The following G2E3 variants were observed in gnomAD, a reference collection of about 807,000 sequenced individuals.
The protein encoded by G2E3 is G2/M phase-specific E3 ubiquitin-protein ligase.
Under a neutral mutation model 92.8 loss-of-function variants are expected in G2E3, and 35 were observed. The ratio of observed to expected loss-of-function variants is 0.38; its 90% CI spans 0.29 to 0.50. The LOEUF (loss-of-function observed/expected upper bound fraction) is 0.50, where lower values mean the gene tolerates loss of function less well. G2E3 is among the 20% of genes least tolerant of loss of function. The probability of loss-of-function intolerance (pLI) is 0.94; values close to 1 mark genes in which losing one functional copy is unlikely to be tolerated. For synonymous variants in G2E3, 242 were observed against 272.4 expected (o/e 0.89, Z 1.10); for missense variants, 554 against 823.8 (o/e 0.67, Z 4.01).
intron 2 of G2E3, among the ~76,000 whole-genome samples, chr14:30,583,461 T>A (rs1436372225): frequency 2.0e-5 from 3 of 152,114 alleles, no homozygotes; most frequent in Admixed American, 6.6e-5. Flanking sequence ...CCCTTATGTG[T>A]GGAATATAAA....
rs1299716637 is a variant in G2E3 at position 30,618,047 on chromosome 14, T to C, written c.*1513T>C. On this transcript the variant is annotated 3_prime_UTR_variant, in exon 15 of 15. Coordinates refer to ENST00000206595, the MANE Select transcript of G2E3 (RefSeq NM_017769.5). ...AAAATCATTACATTATTGATATTTT[T>C]TAAGTAACAGAATAGATTTGAAAGA... 1 of 152,074 alleles carries C rather than the reference T, an allele frequency of 6.6e-6. No individual in the cohort carries two copies. Among genetic ancestry groups the C allele is most frequent in the Admixed American group, 6.5e-5 (1 of 15,272 alleles). 9.4% of individuals were successfully genotyped at this position (152,074 alleles called of 1,614,324 possible). A position where few individuals can be genotyped will look rare whatever the true frequency, so the allele number is the denominator to read the frequency against.
At chr14:30,598,392 C>A in intron 7 of G2E3, 91 bp from the exon 8 acceptor site, 1 of 894,982 alleles carries the variant, frequency 1.1e-6, no homozygotes, top group Non-Finnish European at 1.8e-6. Context: ...GTCTCAAGAA[C>A]AAAAAAAGGT....
intron 4 of G2E3, 53 bp downstream of exon 4, chr14:30,589,537 G>A (rs1681804928): frequency 1.1e-6 from 1 of 908,948 alleles, no homozygotes; most frequent in Non-Finnish European, 1.7e-6. Context: ...TCAATACTTG[G>A]GAAGTCTTTT....
intron 1 of G2E3, among the ~76,000 whole-genome samples, chr14:30,570,934 T>C (rs1458773386): frequency 1.3e-5 from 2 of 152,204 alleles, no homozygotes; most frequent in African/African-American, 2.4e-5. Flanking sequence ...GCTTGTCTTA[T>C]TCTCTTAACA....
chr14:30,576,043 A>C (rs1455271564), intron 1 of G2E3, among the ~76,000 whole-genome samples: 4 of 152,212 alleles, frequency 2.6e-5, no homozygotes, highest in Non-Finnish European at 5.9e-5. Flanking sequence ...GGAACGAAAA[A>C]AGAGCACAAA....
intron 2 of G2E3, among the ~76,000 whole-genome samples, chr14:30,584,426 T>C (rs569286617): frequency 2.0e-5 from 3 of 152,234 alleles, no homozygotes; most frequent in South Asian, 2.1e-4. Flanking sequence ...ATGGTAACTC[T>C]TTGTTTAAAT....
chr14:30,574,280 A>G (rs1879943205), intron 1 of G2E3, among the ~76,000 whole-genome samples: 1 of 152,196 alleles, frequency 6.6e-6, no homozygotes, highest in Non-Finnish European at 1.5e-5. Flanking sequence ...CTTAGCATAA[A>G]TACAATACTT....
chr14:30,586,782 GA>G lies in G2E3; in HGVS notation c.105del (p.Lys35AsnfsTer12). On this transcript the variant is annotated frameshift_variant, in exon 3 of 15. Transcript: ENST00000206595. LOFTEE classifies it high-confidence loss of function. ...NKYGEKKTKE[K>X]WNLTVHYYCL... ...AATACGGAGAAAAGAAAACTAAGGA[GA>G]AATGGAATCTCACTGTACATTACTA... 1.4e-6 allele frequency: 2 copies of G among 1,418,340 alleles called. No homozygotes were observed. The highest frequency in any genetic ancestry group is 1.9e-6 in the Non-Finnish European group (2 of 1,035,088). The allele number at this position is 1,418,340 out of a possible 1,614,324, so 87.9% of individuals were successfully genotyped here.
intron 1 of G2E3, among the ~76,000 whole-genome samples, chr14:30,571,952 A>AC (rs1458337105): frequency 6.6e-6 from 1 of 151,538 alleles, no homozygotes; most frequent in East Asian, 1.9e-4. Flanking sequence ...CTTAAAAAAA[A>AC]AAAAAACCTG....
intron 8 of G2E3, 97 bp from the exon 9 acceptor site, chr14:30,601,673 G>T: frequency 9.0e-7 from 1 of 1,113,916 alleles, no homozygotes; most frequent in Non-Finnish European, 1.4e-6. Context: ...GGGTGTGTGC[G>T]TGTTTGTGTG....
intron 2 of G2E3, among the ~76,000 whole-genome samples, chr14:30,584,785 C>G (rs1354244749): frequency 6.8e-6 from 1 of 146,524 alleles, no homozygotes; most frequent in African/African-American, 2.5e-5. Flanking sequence ...GCTACTAGAC[C>G]TTTAGATGTG....
chr14:30,594,974 CAAAAA>C (rs1042656686), intron 6 of G2E3, among the ~76,000 whole-genome samples: 4 of 125,388 alleles, frequency 3.2e-5, no homozygotes, highest in Non-Finnish European at 6.9e-5. Context: ...ACTAAAAATA[CAAAAA>C]AAAAAAAAAT....
intron 1 of G2E3, among the ~76,000 whole-genome samples, chr14:30,570,756 G>A (rs988315774): frequency 3.9e-5 from 6 of 151,960 alleles, no homozygotes; most frequent in Non-Finnish European, 7.4e-5. Flanking sequence ...TTTTTGCCAG[G>A]TTTTTCTGTG....
Position 30,616,278 on chromosome 14 carries a change from A to C in G2E3, c.1865A>C (p.Asp622Ala), listed in dbSNP as rs776854173. 4.4e-6 allele frequency: 7 copies of C among 1,595,778 alleles called. No homozygotes were observed. Among genetic ancestry groups the C allele is most frequent in the Non-Finnish European group, 5.1e-6 (6 of 1,165,984 alleles). ...FWNSYLQAVE[D>A]GKSTTTMEDI... ...CTCTTTTATTGGTAAATTTTTTCAG[A>C]TGGTAAATCTACAACAACAATGGAA... is the stretch of plus-strand genomic sequence containing the variant. The change falls in exon 15 of 15, where the codon GAT becomes GCT. Residue 622 changes from aspartate (D) to alanine (A), a missense_variant and splice_region_variant. Asp to Ala is a moderately radical substitution (Grantham distance 126). Transcript: ENST00000206595.
chr14:30,601,229 A>G (rs946327235), intron 8 of G2E3, among the ~76,000 whole-genome samples: 1 of 152,236 alleles, frequency 6.6e-6, no homozygotes, highest in Non-Finnish European at 1.5e-5. Context: ...AGAAAATATG[A>G]ATATGGACTG....
At chr14:30,598,090 T>C (rs1594497425) in intron 7 of G2E3, 1 of 171,918 alleles carries the variant, frequency 5.8e-6, no homozygotes, top group South Asian at 1.4e-4. Flanking sequence ...TATAAAAGTT[T>C]TTATTTTAGG....
At chr14:30,589,531 T>C in intron 4 of G2E3, 47 bp downstream of exon 4, 2 of 954,520 alleles carry the variant, frequency 2.1e-6, no homozygotes, top group Non-Finnish European at 3.3e-6. Context: ...ATATTGTCAA[T>C]ACTTGGGAAG....
chr14:30,582,879 C>A (rs1284780279), intron 2 of G2E3, among the ~76,000 whole-genome samples: 1 of 152,180 alleles, frequency 6.6e-6, no homozygotes, highest in African/African-American at 2.4e-5. Context: ...CATCTTATTT[C>A]TTTTCAGTTC....
chr14:30,612,991 C>T (rs968529268), intron 13 of G2E3, among the ~76,000 whole-genome samples: 2 of 152,158 alleles, frequency 1.3e-5, no homozygotes, highest in African/African-American at 4.8e-5. Flanking sequence ...TGTCTCTGTG[C>T]ATTCATTTAA....
Sources: gnomAD v4.1 joint callset for allele counts (sites outside exome capture counted in the v4.1 genomes callset) on GRCh38, gnomAD v4.1.1 for gene constraint, MANE v1.5 for transcripts, NCBI Gene and HGNC (gene_info 2026-07-23, HGNC 2026-07-21) for gene names.